Variants in KIF6 observed in about 807,000 individuals in gnomAD.
KIF6 encodes kinesin-like protein KIF6.
A neutral mutation model predicts 112.7 loss-of-function variants in KIF6; 106 were observed. The ratio of observed to expected loss-of-function variants is 0.94; its 90% CI spans 0.80 to 1.11. KIF6 has a LOEUF of 1.11. Ranked by LOEUF, KIF6 falls within the 50% of genes least tolerant of loss-of-function variation. The pLI, the probability that KIF6 is intolerant of heterozygous loss-of-function variation, is 0.00. For synonymous variants in KIF6, 339 were observed against 339.9 expected (o/e 1.00, Z 0.03); for missense variants, 929 against 964.0 (o/e 0.96, Z 0.48).
chr6:39,573,794 GTTTATAT>G (rs1317596076), intron 10 of KIF6, among the ~76,000 whole-genome samples: 1 of 152,062 alleles, frequency 6.6e-6, no homozygotes, highest in Non-Finnish European at 1.5e-5. Flanking sequence ...TTCTCATAAT[GTTTATAT>G]ATCACATCAT....
At chr6:39,588,979 A>T (rs1781786662) in intron 7 of KIF6, among the ~76,000 whole-genome samples, 5 of 152,120 alleles carry the variant, frequency 3.3e-5, no homozygotes, top group Admixed American at 3.3e-4. Flanking sequence ...ACACAATCTA[A>T]GTTATGCCAA....
chr6:39,705,595 A>C (rs1253831101), intron 3 of KIF6, among the ~76,000 whole-genome samples: 1 of 152,192 alleles, frequency 6.6e-6, no homozygotes, highest in African/African-American at 2.4e-5. Context: ...ACAGTGAACA[A>C]AGGTAAAGAG....
chr6:39,530,976 C>T (rs371724454), intron 13 of KIF6, among the ~76,000 whole-genome samples: 25 of 152,152 alleles, frequency 1.6e-4, no homozygotes, highest in East Asian at 7.7e-4. Context: ...GTTGCTTTGC[C>T]GCCTTGATTC....
chr6:39,472,207 C>T (rs1581929234), intron 13 of KIF6, among the ~76,000 whole-genome samples: 1 of 152,294 alleles, frequency 6.6e-6, no homozygotes, highest in Non-Finnish European at 1.5e-5. Flanking sequence ...AGCTCACCTA[C>T]CACCACCTTA....
intron 7 of KIF6, among the ~76,000 whole-genome samples, chr6:39,591,141 G>C (rs1303113265): frequency 6.6e-6 from 1 of 152,146 alleles, no homozygotes; most frequent in Admixed American, 6.5e-5. Context: ...AATCACTGTA[G>C]CCAGGAGAAA....
chr6:39,702,367 T>C (rs915215096), intron 3 of KIF6, among the ~76,000 whole-genome samples: 1 of 152,212 alleles, frequency 6.6e-6, no homozygotes, highest in Non-Finnish European at 1.5e-5. Context: ...TTTGTTTTGC[T>C]GCCCTTGACT....
intron 13 of KIF6, among the ~76,000 whole-genome samples, chr6:39,519,914 C>T (rs981975198): frequency 6.6e-6 from 1 of 151,998 alleles, no homozygotes; most frequent in Non-Finnish European, 1.5e-5. Context: ...CCCAGCTACT[C>T]CGGAGGCTGA....
intron 13 of KIF6, among the ~76,000 whole-genome samples, chr6:39,446,503 C>CT (rs949867464): frequency 2.6e-5 from 4 of 151,186 alleles, no homozygotes; most frequent in Admixed American, 6.6e-5. Context: ...TTTCCTTTTT[C>CT]TTTTTTTTAG....
chr6:39,562,112 G>C (rs752657947), intron 10 of KIF6, among the ~76,000 whole-genome samples: 12 of 152,188 alleles, frequency 7.9e-5, no homozygotes, highest in Non-Finnish European at 1.8e-4. Flanking sequence ...TCATAAGTTA[G>C]TGGCCCCATG....
chr6:39,416,335 G>A (rs7759557), intron 15 of KIF6, among the ~76,000 whole-genome samples: 25,540 of 152,162 alleles, frequency 0.17, 3,466 homozygotes, highest in African/African-American at 0.37. Context: ...GCTCAGTGGC[G>A]TTTTTGGAGA....
intron 13 of KIF6, among the ~76,000 whole-genome samples, chr6:39,489,557 A>G (rs1775337145): frequency 6.6e-6 from 1 of 152,122 alleles, no homozygotes; most frequent in Non-Finnish European, 1.5e-5. Flanking sequence ...AAAAATATGA[A>G]GAACAGAAAG....
At chr6:39,477,514 A>G (rs1774506837) in intron 13 of KIF6, among the ~76,000 whole-genome samples, 1 of 152,230 alleles carries the variant, frequency 6.6e-6, no homozygotes, top group African/African-American at 2.4e-5. Flanking sequence ...GCATAATGGA[A>G]TACTATGCAA....
intron 13 of KIF6, among the ~76,000 whole-genome samples, chr6:39,474,168 C>T (rs1774292967): frequency 2.0e-5 from 3 of 152,272 alleles, no homozygotes; most frequent in South Asian, 4.1e-4. Flanking sequence ...GAGTTTGAAA[C>T]ATTTAAAATC....
rs72852134 is a variant in KIF6, at chr6:39,619,045, T to C, written c.510-5727A>G. ...ATCTCTTTAAAATATTTTACAGAGT[T>C]TCCTTTTTCTGTTAACACGTTTTAG... On this transcript the variant is annotated intron_variant, in intron 5 of 22. Transcript: ENST00000287152. 5.8e-3 allele frequency among the ~76,000 whole-genome samples: 890 copies of C among 152,310 alleles called. 16 individuals are homozygous for C. Among genetic ancestry groups the C allele is most frequent in the Non-Finnish European group, 3.9e-3 (263 of 68,030 alleles).
In KIF6 at chr6:39,624,564, G is replaced by A. The variant is rs538129703; in HGVS notation, c.509+10285C>T. Among the ~76,000 whole-genome samples the A allele has an allele frequency of 8.5e-5, 13 of 152,242 alleles. No homozygotes were observed. In the South Asian group the frequency reaches 1.5e-3, roughly 17 times the overall value. On this transcript the variant is annotated intron_variant, in intron 5 of 22. Transcript: ENST00000287152. ...ATAAATCAATTCATAATGCAATCGT[G>A]GAGACTAACAGGACAATATGTCAAA...
At chr6:39,616,821 T>G (rs1469578026) in intron 5 of KIF6, among the ~76,000 whole-genome samples, 1 of 152,172 alleles carries the variant, frequency 6.6e-6, no homozygotes, top group Non-Finnish European at 1.5e-5. Flanking sequence ...TGAGAGTGTT[T>G]TAAATTCTAC....
intron 10 of KIF6, among the ~76,000 whole-genome samples, chr6:39,557,680 C>T (rs1345493195): frequency 6.6e-6 from 1 of 151,644 alleles, no homozygotes; most frequent in Non-Finnish European, 1.5e-5. Context: ...TTTTTTTGGA[C>T]GGAGGGGTCC....
intron 15 of KIF6, among the ~76,000 whole-genome samples, chr6:39,397,287 G>T (rs1768343543): frequency 6.6e-6 from 1 of 152,118 alleles, no homozygotes; most frequent in Non-Finnish European, 1.5e-5. Context: ...TTTTTAAAAA[G>T]CTTGCTTGAA....
chr6:39,334,252 G>C lies in KIF6; in HGVS notation c.*2280C>G, dbSNP rs1456015381. 1 of 152,228 alleles carries C rather than the reference G, an allele frequency of 6.6e-6. No homozygotes were observed. Among genetic ancestry groups the C allele is most frequent in the Non-Finnish European group, 1.5e-5 (1 of 68,058 alleles). The allele number at this position is 152,228 out of a possible 1,614,324, so 9.4% of individuals were successfully genotyped here. On this transcript the variant is annotated 3_prime_UTR_variant, in exon 23 of 23. Coordinates refer to ENST00000287152, the MANE Select transcript of KIF6 (RefSeq NM_145027.6). ...CACATCTCTGTCAGTAAGGCCTTTG[G>C]ATCCAGGAGATGATGTCTCAGTGGG...
Sources: allele counts gnomAD v4.1 joint callset (sites outside exome capture counted in the v4.1 genomes callset), GRCh38; gene constraint gnomAD v4.1.1; transcripts MANE v1.5; gene names NCBI Gene and HGNC (gene_info 2026-07-23, HGNC 2026-07-21).